Variants in PTPRD observed in about 807,000 individuals in gnomAD.
PTPRD encodes the protein receptor-type tyrosine-protein phosphatase delta.
PTPRD carries 34 observed loss-of-function variants against 214.5 expected under a neutral mutation model. The ratio of observed to expected loss-of-function variants is 0.16; its 90% confidence interval spans 0.12 to 0.21. The LOEUF is 0.21. Ranked by LOEUF, PTPRD falls within the 10% of genes least tolerant of loss-of-function variation. The pLI, the probability that PTPRD is intolerant of heterozygous loss-of-function variation, is 1.00. For missense variants in PTPRD, 2,545 were observed against 2,398.7 expected (o/e 1.06, Z -1.27); for synonymous variants, 1,128 against 845.7 (o/e 1.33, Z -5.79).
chr9:9,189,459 T>G (rs2099933758), intron 9 of PTPRD, among the ~76,000 whole-genome samples: 1 of 152,100 alleles, frequency 6.6e-6, no homozygotes. Flanking sequence ...TTTTCTTACC[T>G]GGTCTATTCC....
intron 3 of PTPRD, among the ~76,000 whole-genome samples, chr9:10,202,806 A>G (rs73398325): frequency 1.6e-3 from 239 of 151,538 alleles, no homozygotes; most frequent in African/African-American, 5.5e-3. Flanking sequence ...AAGGAGCTTG[A>G]TCTCCATCCT....
At chr9:9,116,929 G>A (rs769365514) in intron 10 of PTPRD, among the ~76,000 whole-genome samples, 4 of 152,162 alleles carry the variant, frequency 2.6e-5, no homozygotes, top group Non-Finnish European at 5.9e-5. Context: ...TTGTTACCAT[G>A]CCTGACCCAT....
intron 3 of PTPRD, among the ~76,000 whole-genome samples, chr9:10,145,018 A>G (rs1347699642): frequency 6.6e-6 from 1 of 152,146 alleles, no homozygotes; most frequent in African/African-American, 2.4e-5. Flanking sequence ...CAGGAAAAAA[A>G]ATATGAAAAT....
chr9:8,575,813 A>T (rs1291216092), intron 14 of PTPRD, among the ~76,000 whole-genome samples: 1 of 152,190 alleles, frequency 6.6e-6, no homozygotes. Context: ...AAATGCATTA[A>T]CTTAAATTTA....
At chr9:9,836,830 T>C (rs2056894547) in intron 5 of PTPRD, among the ~76,000 whole-genome samples, 1 of 152,126 alleles carries the variant, frequency 6.6e-6, no homozygotes, top group South Asian at 2.1e-4. Flanking sequence ...CAGTGACAGA[T>C]ATATAGCAAA....
intron 10 of PTPRD, among the ~76,000 whole-genome samples, chr9:9,028,612 A>G (rs2099594914): frequency 6.6e-6 from 1 of 151,944 alleles, no homozygotes. Context: ...CCATCAACAA[A>G]TATTTACTCT....
chr9:9,354,525 T>A (rs1395330158), intron 9 of PTPRD, among the ~76,000 whole-genome samples: 3 of 151,916 alleles, frequency 2.0e-5, no homozygotes, highest in East Asian at 3.9e-4. Flanking sequence ...AACCTACATT[T>A]TTTTTTGTGG....
At chr9:10,020,042 T>C (rs1567136938) in intron 4 of PTPRD, among the ~76,000 whole-genome samples, 2 of 152,210 alleles carry the variant, frequency 1.3e-5, no homozygotes, top group Non-Finnish European at 2.9e-5. Flanking sequence ...TTGTTTTATA[T>C]AACTCAGTTT....
At chr9:10,325,691 A>C (rs963004230) in intron 3 of PTPRD, among the ~76,000 whole-genome samples, 9 of 151,956 alleles carry the variant, frequency 5.9e-5, no homozygotes, top group Non-Finnish European at 8.8e-5. Flanking sequence ...CTTTCAAAAC[A>C]ACCAAACTGC....
At chr9:8,996,262 T>C (rs1189194858) in intron 11 of PTPRD, among the ~76,000 whole-genome samples, 1 of 152,058 alleles carries the variant, frequency 6.6e-6, no homozygotes, top group Non-Finnish European at 1.5e-5. Context: ...GGTACATCCA[T>C]ACCTGGAATG....
In PTPRD at chr9:8,319,956, C is replaced by G. The variant is rs1195271322; in HGVS notation, c.5545G>C (p.Gly1849Arg). 1 of 1,611,586 alleles carries G rather than the reference C, an allele frequency of 6.2e-7. No individual in the cohort carries two copies. The highest frequency in any genetic ancestry group is 8.5e-7 in the Non-Finnish European group (1 of 1,179,032). ...AGCGTTATGAAGACTCCAGTTCTTC[C>G]AACGCCCGCGCTGCCACAATAACAA... is the stretch of plus-strand genomic sequence containing the variant. ...PISVHCSAGV[G>R]RTGVFITLSI... Residue 1849 changes from glycine (G) to arginine (R), a missense_variant, in exon 45 of 46, where the codon GGA (glycine) becomes CGA (arginine). Transcript: ENST00000381196.
chr9:8,603,389 A>G (rs1214176515), intron 14 of PTPRD, among the ~76,000 whole-genome samples: 1 of 152,204 alleles, frequency 6.6e-6, no homozygotes. Flanking sequence ...GTGAGTAGAA[A>G]GGCTGGGTCT....
intron 5 of PTPRD, among the ~76,000 whole-genome samples, chr9:9,792,647 G>A (rs2098975841): frequency 6.6e-6 from 1 of 152,056 alleles, no homozygotes; most frequent in Non-Finnish European, 1.5e-5. Flanking sequence ...TACACTCAGT[G>A]GCTTCAAGCT....
chr9:10,065,884 T>C (rs181200186), intron 3 of PTPRD, among the ~76,000 whole-genome samples: 1 of 151,862 alleles, frequency 6.6e-6, no homozygotes, highest in Admixed American at 6.6e-5. Context: ...TCCAACCAAT[T>C]TCTTCTTTAT....
intron 4 of PTPRD, among the ~76,000 whole-genome samples, chr9:9,970,869 TAGAC>T (rs1363887308): frequency 6.6e-6 from 1 of 152,236 alleles, no homozygotes; most frequent in Non-Finnish European, 1.5e-5. Flanking sequence ...GGCGCTAATT[TAGAC>T]AATCTGCTTA....
intron 10 of PTPRD, among the ~76,000 whole-genome samples, chr9:9,174,002 A>G (rs1361724092): frequency 6.6e-6 from 1 of 152,130 alleles, no homozygotes; most frequent in Non-Finnish European, 1.5e-5. Flanking sequence ...CCATAGACAT[A>G]TATTTTCTAG....
chr9:10,571,005 G>T (rs2067258040), intron 2 of PTPRD, among the ~76,000 whole-genome samples: 1 of 151,960 alleles, frequency 6.6e-6, no homozygotes, highest in Non-Finnish European at 1.5e-5. Context: ...ATACCAGAAG[G>T]TCATGCTGCT....
chr9:10,072,001 T>A (rs1055927056), intron 3 of PTPRD, among the ~76,000 whole-genome samples: 1 of 151,842 alleles, frequency 6.6e-6, no homozygotes, highest in Admixed American at 6.6e-5. Flanking sequence ...GTATAAATGA[T>A]GAAAAAATTG....
At chr9:10,062,706 AT>A (rs33950343) in intron 3 of PTPRD, among the ~76,000 whole-genome samples, 9 of 151,654 alleles carry the variant, frequency 5.9e-5, no homozygotes, top group African/African-American at 1.7e-4. Context: ...GGAAAGTAAT[AT>A]TTTTTTTCTC....
Sources: gnomAD v4.1 joint callset for allele counts (sites outside exome capture counted in the v4.1 genomes callset) on GRCh38, gnomAD v4.1.1 for gene constraint, MANE v1.5 for transcripts, NCBI Gene and HGNC (gene_info 2026-07-23, HGNC 2026-07-21) for gene names.